Variants in CORO1B observed in about 807,000 individuals in gnomAD.
CORO1B encodes the protein coronin-1B.
In CORO1B, 30 loss-of-function variants were observed where a neutral mutation model predicts 51.1. The observed-to-expected ratio is 0.59, with a 90% confidence interval of 0.44 to 0.80. CORO1B has a LOEUF of 0.80. Among genes scored for constraint, CORO1B ranks in the 30% least tolerant of loss-of-function variants. The pLI is 0.00. For synonymous variants in CORO1B, 310 were observed against 289.7 expected, an observed-to-expected ratio of 1.07 and a Z score of -0.71; for missense variants, 648 against 700.4, an observed-to-expected ratio of 0.93 and a Z score of 0.84.
intron 1 of CORO1B, 24 bp downstream of exon 1, chr11:67,443,380 T>G (rs1864434833): frequency 2.6e-6 from 2 of 774,074 alleles, no homozygotes; most frequent in South Asian, 1.2e-4. Flanking sequence ...CCCGCGCCCC[T>G]AGCCCCGGCC....
rs1360503425 is a variant in CORO1B, at chr11:67,436,150, G to A, written c.*2226C>T. The A allele has an allele frequency of 1.3e-6, 2 of 1,570,760 alleles. No homozygotes were observed. The highest frequency in any genetic ancestry group is 4.7e-5 in the East Asian group (2 of 42,828). On this transcript the variant is annotated 3_prime_UTR_variant, in exon 11 of 11. Coordinates refer to ENST00000341356, the MANE Select transcript of CORO1B (RefSeq NM_020441.3). ...GGCCCCACAGCGCGGCACCTAGGCG[G>A]GCCGGGTGGTAGTAGCCCCCTGAGT...
In CORO1B at chr11:67,443,424, G is replaced by A. The variant is rs1023600391; in HGVS notation, c.-23C>T. The stretch of plus-strand genomic sequence containing the variant: ...CTCACCGGGGGCACCGGGGGCGCAG[G>A]GGGCTGCGGCACCGGCTTCGGGCGG... On this transcript the variant is annotated 5_prime_UTR_variant, in exon 1 of 11. Transcript: ENST00000341356. 14 of 983,562 alleles carry A rather than the reference G, an allele frequency of 1.4e-5. No individual in the cohort carries two copies. The African/African-American group carries it at 1.7e-4, about 12-fold the overall frequency. The allele number at this position is 983,562 out of a possible 1,614,324, so 60.9% of individuals were successfully genotyped here.
chr11:67,443,553 A>C (rs1345032242), upstream of CORO1B: 2 of 738,194 alleles, frequency 2.7e-6, no homozygotes, highest in African/African-American at 1.9e-5. Context: ...GGCCGAGGTC[A>C]CGCGCGGAGG....
Position 67,437,252 on chromosome 11 carries a change from C to CAGA in CORO1B, c.*1123_*1124insTCT. 1 of 222,008 alleles carries CAGA rather than the reference C, an allele frequency of 4.5e-6. No homozygotes were observed. The highest frequency in any genetic ancestry group is 8.8e-5 in the East Asian group (1 of 11,304). The allele number at this position is 222,008 out of a possible 1,614,324, so 13.8% of individuals were successfully genotyped here. A position where few individuals can be genotyped will look rare whatever the true frequency, so the allele number is the denominator to read the frequency against. The stretch of plus-strand genomic sequence containing the variant: ...GCAGCTGCCAGAGGAAGTCTGCGGT[C>CAGA]GGAACAGGCTAGGTGGGGGGTGTCG... On this transcript the variant is annotated 3_prime_UTR_variant, in exon 11 of 11. Transcript: ENST00000341356.
Position 67,440,221 on chromosome 11 carries a change from G to C in CORO1B, c.904C>G (p.Pro302Ala). Residue 302 changes from proline to alanine, a missense_variant, in exon 8 of 11, where the codon CCC becomes GCC. Coordinates refer to ENST00000341356, the MANE Select transcript of CORO1B (RefSeq NM_020441.3). ...AACGTGTTCAGGAAGTGGATGTAGG[G>C]AGGCTCCTCTGTGATCTCAAAGTAC... ...IRYFEITEEP[P>A]YIHFLNTFTS... 6.2e-7 allele frequency: 1 copy of C among 1,613,938 alleles called. No homozygotes were observed. Among genetic ancestry groups the C allele is most frequent in the Non-Finnish European group, 8.5e-7 (1 of 1,179,998 alleles).
At chr11:67,442,296 G>T in intron 2 of CORO1B, 132 bp downstream of exon 2, 1 of 1,237,292 alleles carries the variant, frequency 8.1e-7, no homozygotes. Context: ...TAACACTTGG[G>T]GCGATAAATC....
At chr11:67,438,576 T>C in intron 10 of CORO1B, 75 bp from the exon 11 acceptor site, 1 of 1,554,856 alleles carries the variant, frequency 6.4e-7, no homozygotes, top group African/African-American at 1.4e-5. Flanking sequence ...AACCCACCAC[T>C]ACCCCAGAGA....
At position 67,436,535 on chromosome 11, in the gene CORO1B, C is replaced by T. The variant is rs1434729429; in HGVS notation, c.*1841G>A. 1 of 628,198 alleles carries T rather than the reference C, an allele frequency of 1.6e-6. No homozygotes were observed. Among genetic ancestry groups the T allele is most frequent in the Non-Finnish European group, 2.5e-6 (1 of 402,356 alleles). 38.9% of individuals were successfully genotyped at this position (628,198 alleles called of 1,614,324 possible). On this transcript the variant is annotated 3_prime_UTR_variant, in exon 11 of 11. Coordinates refer to ENST00000341356, the MANE Select transcript of CORO1B (RefSeq NM_020441.3). Reference sequence around the variant, plus strand: ...CTGGCCCTGTGAGATCAGCCCCCATCCCTCCAGCCTCCTCCCTACCACTCA... The same window carrying T: ...CTGGCCCTGTGAGATCAGCCCCCATTCCTCCAGCCTCCTCCCTACCACTCA...
chr11:67,442,208 C>G (rs1037973314), intron 2 of CORO1B, 120 bp from the exon 3 acceptor site: 3 of 1,504,382 alleles, frequency 2.0e-6, no homozygotes, highest in Non-Finnish European at 2.7e-6. Context: ...GTGACTGTGC[C>G]CCACTTGCCA....
intron 9 of CORO1B, 52 bp from the exon 10 acceptor site, chr11:67,439,001 C>A: frequency 2.0e-6 from 3 of 1,532,452 alleles, no homozygotes; most frequent in East Asian, 2.3e-5. Context: ...CCATCAGGGT[C>A]CCCTCATCCC....
upstream of CORO1B, chr11:67,443,564 G>T: frequency 1.4e-6 from 1 of 725,456 alleles, no homozygotes; most frequent in South Asian, 6.1e-5. Flanking sequence ...CGCGCGGAGG[G>T]GCTGGGCGGG....
rs1346393088 is a variant in CORO1B, at chr11:67,441,995, C to T, written c.295G>A (p.Ala99Thr). Reference protein sequence around the residue: ...DWCPHNDEVIASGSEDCTVMV... With the variant: ...DWCPHNDEVITSGSEDCTVMV... Reference sequence around the variant, plus strand: ...ACCGTGCAGTCCTCCGAGCCGCTGGCTATGACTTCGTCGTTGTGAGGACAC... The same window carrying T: ...ACCGTGCAGTCCTCCGAGCCGCTGGTTATGACTTCGTCGTTGTGAGGACAC... Residue 99 changes from alanine to threonine, a missense_variant, in exon 3 of 11, where the codon GCC becomes ACC. Coordinates refer to ENST00000341356, the MANE Select transcript of CORO1B (RefSeq NM_020441.3). The T allele has an allele frequency of 1.2e-6, 2 of 1,613,148 alleles. No individual in the cohort carries two copies. Among genetic ancestry groups the T allele is most frequent in the African/African-American group, 2.7e-5 (2 of 74,936 alleles).
At chr11:67,441,883 C>G (rs369902133) in intron 3 of CORO1B, 21 bp from the exon 4 acceptor site, 3 of 1,613,190 alleles carry the variant, frequency 1.9e-6, no homozygotes, top group Non-Finnish European at 2.5e-6. Context: ...GACAGGGCCA[C>G]CGAGCTCAGT....
Position 67,441,341 on chromosome 11 carries a change from G to A in CORO1B, c.628C>T (p.Leu210=), listed in dbSNP as rs763191114. ...VRIIDPRRGT[L]VAEREKAHEG... ...CCTCCAGAGCCACGTACTGCCACCAGGGTGCCCCGACGGGGGTCGATGATG... is the reference window on the plus strand; with the variant it reads ...CCTCCAGAGCCACGTACTGCCACCAAGGTGCCCCGACGGGGGTCGATGATG... The change falls in exon 5 of 11, where the codon CTG becomes TTG. Residue 210 remains leucine (L), a synonymous_variant. Transcript: ENST00000341356. The A allele has an allele frequency of 1.2e-6, 2 of 1,613,620 alleles. No individual in the cohort carries two copies. The highest frequency in any genetic ancestry group is 2.2e-5 in the South Asian group (2 of 91,080).
At chr11:67,440,468 C>T (rs753575159) in intron 6 of CORO1B, 29 bp from the exon 7 acceptor site, 2 of 1,602,918 alleles carry the variant, frequency 1.2e-6, no homozygotes, top group Admixed American at 3.4e-5. Context: ...TCAGGCCAAG[C>T]AGAACCTCCT....
chr11:67,437,625 C>A lies in CORO1B; in HGVS notation c.*751G>T. The stretch of plus-strand genomic sequence containing the variant: ...GGGGCTCCGAGGCTTACCATTGGTC[C>A]GCAGGCCCCTCCGTGCCGGGCACCC... On this transcript the variant is annotated 3_prime_UTR_variant, in exon 11 of 11. Coordinates refer to ENST00000341356, the MANE Select transcript of CORO1B (RefSeq NM_020441.3). 7.3e-7 allele frequency: 1 copy of A among 1,365,544 alleles called. No individual in the cohort carries two copies. The highest frequency in any genetic ancestry group is 9.5e-7 in the Non-Finnish European group (1 of 1,051,366). The allele number at this position is 1,365,544 out of a possible 1,614,324, so 84.6% of individuals were successfully genotyped here. A position where few individuals can be genotyped will look rare whatever the true frequency, so the allele number is the denominator to read the frequency against.
Position 67,435,897 on chromosome 11 carries a change from T to C in CORO1B, c.*2479A>G, listed in dbSNP as rs759630855. On this transcript the variant is annotated 3_prime_UTR_variant, in exon 11 of 11. Coordinates refer to ENST00000341356, the MANE Select transcript of CORO1B (RefSeq NM_020441.3). ...AGGACCAGGTCGCCCTCCGTGTCACTGTCTCTGGCTTCCTCAGCCCGCACG... is the reference window on the plus strand; with the variant it reads ...AGGACCAGGTCGCCCTCCGTGTCACCGTCTCTGGCTTCCTCAGCCCGCACG... 7 of 1,612,276 alleles carry C rather than the reference T, an allele frequency of 4.3e-6. No individual in the cohort carries two copies. The Admixed American group carries it at 5.0e-5, about 12-fold the overall frequency.
chr11:67,442,749 G>T, intron 1 of CORO1B, 119 bp from the exon 2 acceptor site: 1 of 986,856 alleles, frequency 1.0e-6, no homozygotes, highest in Non-Finnish European at 1.5e-6. Flanking sequence ...AACCCTCCTG[G>T]GTCTCGGTTT....
Position 67,442,637 on chromosome 11 carries a change from G to A in CORO1B, c.-2-7C>T. On this transcript the variant is annotated splice_region_variant and splice_polypyrimidine_tract_variant and intron_variant, in intron 1 of 10. Coordinates refer to ENST00000341356, the MANE Select transcript of CORO1B (RefSeq NM_020441.3). Reference sequence around the variant, plus strand: ...ACTTTGCGGAAGGACATGTCTGCGGGACAGAGAGGCCTGGGTCAGTCCGGC... The same window carrying A: ...ACTTTGCGGAAGGACATGTCTGCGGAACAGAGAGGCCTGGGTCAGTCCGGC... 1.2e-6 allele frequency: 2 copies of A among 1,613,042 alleles called. No individual in the cohort carries two copies.
Sources: allele counts gnomAD v4.1 joint callset, GRCh38; gene constraint gnomAD v4.1.1; transcripts MANE v1.5; gene names NCBI Gene and HGNC (gene_info 2026-07-23, HGNC 2026-07-21).